Variants in GASK1B observed in about 807,000 individuals in gnomAD.
GASK1B encodes Golgi-associated kinase 1B.
In GASK1B, 34 loss-of-function variants were observed where a neutral mutation model predicts 42.8. The observed-to-expected ratio is 0.79, with a 90% CI of 0.60 to 1.06. The LOEUF (loss-of-function observed/expected upper bound fraction) is 1.06. Among genes scored for constraint, GASK1B ranks in the 50% least tolerant of loss-of-function variants. GASK1B has a pLI of 0.00. For missense variants in GASK1B, 686 were observed against 661.0 expected, an observed-to-expected ratio of 1.04 and a Z score of -0.42; for synonymous variants, 262 against 259.1, an observed-to-expected ratio of 1.01 and a Z score of -0.11.
At chr4:158,160,450 T>C (rs968014806) in intron 2 of GASK1B, among the ~76,000 whole-genome samples, 3 of 152,042 alleles carry the variant, frequency 2.0e-5, no homozygotes, top group African/African-American at 4.8e-5. Context: ...ACAAAAAGAT[T>C]ACAAGTGTTG....
intron 2 of GASK1B, among the ~76,000 whole-genome samples, chr4:158,161,161 T>G (rs1395323316): frequency 1.3e-5 from 2 of 152,076 alleles, no homozygotes; most frequent in Non-Finnish European, 2.9e-5. Flanking sequence ...ATAAATTAGT[T>G]AAAATTTAAA....
At chr4:158,155,362 GGTT>G (rs1731716359) in intron 3 of GASK1B, among the ~76,000 whole-genome samples, 2 of 152,150 alleles carry the variant, frequency 1.3e-5, no homozygotes, top group Admixed American at 1.3e-4. Context: ...CTCCAGGAGA[GGTT>G]AAGAGTCTGG....
Position 158,143,528 on chromosome 4 carries a change from T to C in GASK1B, c.1125+12083A>G, listed in dbSNP as rs140007850. ...GTCTCTTACAGCATCCCGATCTACA[T>C]TGGAAAAAGTCTGACTGAGGTAACA... On this transcript the variant is annotated intron_variant, in intron 3 of 4. Transcript: ENST00000585682. Among the ~76,000 whole-genome samples, 652 of 152,148 alleles carry C rather than the reference T, an allele frequency of 4.3e-3. 3 individuals carry two copies. The highest frequency in any genetic ancestry group is 0.015 in the African/African-American group (635 of 41,508).
Position 158,169,866 on chromosome 4 carries a change from G to C in GASK1B, c.910+600C>G, listed in dbSNP as rs368012197. ...CTCAATAGATCATAGTCAGGGGCTT[G>C]ATAAAACCACACAGCTAGTTAGTAT... On this transcript the variant is annotated intron_variant, in intron 2 of 4. Transcript: ENST00000585682. The C allele has an allele frequency of 2.9e-4, 56 of 192,384 alleles. 1 individual carries two copies. In the East Asian group the frequency reaches 5.5e-3, roughly 19 times the overall value. The allele number at this position is 192,384 out of a possible 1,614,324, so 11.9% of individuals were successfully genotyped here. A position where few individuals can be genotyped will look rare whatever the true frequency, so the allele number is the denominator to read the frequency against.
intron 3 of GASK1B, among the ~76,000 whole-genome samples, chr4:158,132,202 TGAATG>T (rs1349643531): frequency 4.6e-5 from 7 of 152,170 alleles, no homozygotes; most frequent in Non-Finnish European, 7.4e-5. Flanking sequence ...TACGTCATAT[TGAATG>T]GTTTTAGGCT....
At chr4:158,155,473 A>G (rs1216447042) in intron 3 of GASK1B, 138 bp downstream of exon 3, 6 of 754,066 alleles carry the variant, frequency 8.0e-6, no homozygotes, top group Non-Finnish European at 1.3e-5. Flanking sequence ...GGCCAAAACC[A>G]CAATTACTTT....
chr4:158,132,999 A>C (rs916845441), intron 3 of GASK1B, among the ~76,000 whole-genome samples: 3 of 152,250 alleles, frequency 2.0e-5, no homozygotes, highest in Non-Finnish European at 4.4e-5. Context: ...GAATGAAAAA[A>C]GCACAAATTA....
Position 158,130,839 on chromosome 4 carries a change from G to C in GASK1B, c.1299C>G (p.Phe433Leu). Residue 433 changes from phenylalanine (F) to leucine (L), a missense_variant, in exon 4 of 5, where the codon TTC becomes TTG. Phe to Leu is a conservative substitution (Grantham distance 22, BLOSUM62 0). Transcript: ENST00000585682. ...RHLVFIDNKG[F>L]FDRSEDNLNF... is the part of the protein sequence containing the mutation. ...TTAAGTTATCTTCACTCCTGTCAAA[G>C]AAACCCTTGTTGTCTATAAAAACCA... 1 of 1,613,810 alleles carries C rather than the reference G, an allele frequency of 6.2e-7. No homozygotes were observed. The highest frequency in any genetic ancestry group is 8.5e-7 in the Non-Finnish European group (1 of 1,179,938).
intron 4 of GASK1B, among the ~76,000 whole-genome samples, chr4:158,128,788 G>T (rs1270026310): frequency 6.6e-6 from 1 of 152,174 alleles, no homozygotes; most frequent in Non-Finnish European, 1.5e-5. Context: ...AGGAAGTGCG[G>T]AATGAAAGAA....
rs1731730031 is a variant in GASK1B at position 158,155,662 on chromosome 4, T to C, written c.1074A>G (p.Glu358=). Residue 358 remains glutamate, a synonymous_variant, in exon 3 of 5, where the codon GAA becomes GAG. Transcript: ENST00000585682. The stretch of plus-strand genomic sequence containing the variant: ...TCTTGGACCACTCATGATGATGTAT[T>C]TCAGTACAACCCGATTCAGGCTTGG... ...RVPKPESGCT[E]IHHHEWSKMA... 1 of 1,613,760 alleles carries C rather than the reference T, an allele frequency of 6.2e-7. No individual in the cohort carries two copies. Among genetic ancestry groups the C allele is most frequent in the East Asian group, 2.2e-5 (1 of 44,884 alleles).
intron 2 of GASK1B, among the ~76,000 whole-genome samples, chr4:158,162,373 T>C (rs1732053952): frequency 6.6e-6 from 1 of 152,308 alleles, no homozygotes; most frequent in Non-Finnish European, 1.5e-5. Context: ...CAACTTTTGA[T>C]GCAGTGTCTA....
At chr4:158,128,759 G>T (rs1295864612) in intron 4 of GASK1B, among the ~76,000 whole-genome samples, 1 of 152,216 alleles carries the variant, frequency 6.6e-6, no homozygotes. Context: ...CACGGCGCCG[G>T]ACTTGCTTAA....
At chr4:158,151,297 A>C (rs1477116788) in intron 3 of GASK1B, among the ~76,000 whole-genome samples, 1 of 152,214 alleles carries the variant, frequency 6.6e-6, no homozygotes, top group African/African-American at 2.4e-5. Context: ...CGATAAATTT[A>C]ACTGGAAAGA....
In GASK1B at chr4:158,171,259, CAGA is replaced by C. The variant is rs1732519709; in HGVS notation, c.114_116del (p.Leu40del). ...AGTAGATGGCACACGCAGTGCCCAG[CAGA>C]AGGTTTCTCCGGGTCCTTGGACGCC... On this transcript the variant is annotated inframe_deletion, in exon 2 of 5. Coordinates refer to ENST00000585682, the MANE Select transcript of GASK1B (RefSeq NM_001128424.2). The C allele has an allele frequency of 1.2e-6, 2 of 1,613,900 alleles. No individual in the cohort carries two copies. The highest frequency in any genetic ancestry group is 1.7e-5 in the Admixed American group (1 of 60,010).
rs1320719014 is a variant in GASK1B at position 158,126,141 on chromosome 4, G to C, written c.*1266C>G. On this transcript the variant is annotated 3_prime_UTR_variant, in exon 5 of 5. Coordinates refer to ENST00000585682, the MANE Select transcript of GASK1B (RefSeq NM_001128424.2). ...GAGTAGGATGTGTAAGGGCAGGAAG[G>C]TAATGGTAATCTATTCTGAATTTGA... The C allele has an allele frequency of 6.6e-6, 1 of 152,116 alleles. No homozygotes were observed. The highest frequency in any genetic ancestry group is 1.9e-4 in the East Asian group (1 of 5,190). 9.4% of individuals were successfully genotyped at this position (152,116 alleles called of 1,614,324 possible).
At position 158,171,397 on chromosome 4, in the gene GASK1B, T is replaced by C. The variant is rs767727543; in HGVS notation, c.-22A>G. ...TCATTTCTCTGCCGCATCCACATGT[T>C]GAACGGAGTTTAAAGTCTGCAGTTG... On this transcript the variant is annotated 5_prime_UTR_variant, in exon 2 of 5. Transcript: ENST00000585682. The C allele has an allele frequency of 6.5e-7, 1 of 1,535,100 alleles. No homozygotes were observed. Among genetic ancestry groups the C allele is most frequent in the Non-Finnish European group, 8.8e-7 (1 of 1,138,604 alleles).
rs748254393 is a variant in GASK1B at position 158,171,309 on chromosome 4, C to G, written c.67G>C (p.Val23Leu). Reference sequence around the variant, plus strand: ...CGCCGGCTGCTCCAGAGCTTACGCACCCGCGGGACGCACAGGGAGCAGATG... The same window carrying G: ...CGCCGGCTGCTCCAGAGCTTACGCAGCCGCGGGACGCACAGGGAGCAGATG... ...WFICSLCVPR[V>L]RKLWSSRRPR... Residue 23 changes from valine (V) to leucine (L), a missense_variant, in exon 2 of 5, where the codon GTG becomes CTG. Coordinates refer to ENST00000585682, the MANE Select transcript of GASK1B (RefSeq NM_001128424.2). The G allele has an allele frequency of 6.2e-7, 1 of 1,612,914 alleles. No homozygotes were observed. The highest frequency in any genetic ancestry group is 2.2e-5 in the East Asian group (1 of 44,862).
At position 158,126,679 on chromosome 4, in the gene GASK1B, C is replaced by A. The variant is rs1730465595; in HGVS notation, c.*728G>T. ...TATTTAATTTCTCAGCCACTAGATACAAATTGGACCAAAATAGAGAGAGTA... is the reference window on the plus strand; with the variant it reads ...TATTTAATTTCTCAGCCACTAGATAAAAATTGGACCAAAATAGAGAGAGTA... On this transcript the variant is annotated 3_prime_UTR_variant, in exon 5 of 5. Coordinates refer to ENST00000585682, the MANE Select transcript of GASK1B (RefSeq NM_001128424.2). 1 of 151,906 alleles carries A rather than the reference C, an allele frequency of 6.6e-6. No homozygotes were observed. The highest frequency in any genetic ancestry group is 1.5e-5 in the Non-Finnish European group (1 of 67,962). The allele number at this position is 151,906 out of a possible 1,614,324, so 9.4% of individuals were successfully genotyped here.
intron 2 of GASK1B, chr4:158,170,111 T>A (rs1018096500): frequency 1.1e-6 from 1 of 895,234 alleles, no homozygotes; most frequent in Middle Eastern, 3.4e-4. Flanking sequence ...TGCCTGACTG[T>A]CAGCAAGTTC....
Sources: allele counts gnomAD v4.1 joint callset (sites outside exome capture counted in the v4.1 genomes callset), GRCh38; gene constraint gnomAD v4.1.1; transcripts MANE v1.5; gene names NCBI Gene and HGNC (gene_info 2026-07-23, HGNC 2026-07-21).